TET1: variants seen among roughly 807,000 people sequenced by gnomAD.
The protein encoded by TET1 is methylcytosine dioxygenase TET1.
Under a neutral mutation model 148.7 loss-of-function variants are expected in TET1, and 13 were observed. That is an observed-to-expected ratio of 0.09 (90% CI 0.06 to 0.14). The LOEUF is 0.14. TET1 is among the 10% of genes least tolerant of loss of function. The pLI is 1.00. For missense variants in TET1, 2,182 were observed against 2,553.8 expected, an observed-to-expected ratio of 0.85 and a Z score of 3.14; for synonymous variants, 907 against 937.2, an observed-to-expected ratio of 0.97 and a Z score of 0.59.
Position 68,665,099 on chromosome 10 carries a change from G to T in TET1, c.4462-1946G>T, listed in dbSNP as rs77684974. ...TTTTATCTTTTCAATTAGCAGATTT[G>T]GTGTAAGCCATTTTAAAATGCTTTG... On this transcript the variant is annotated intron_variant, in intron 6 of 11. Transcript: ENST00000373644. Among the ~76,000 whole-genome samples, 1,316 of 152,076 alleles carry T rather than the reference G, an allele frequency of 8.7e-3. 16 individuals carry two copies. Among genetic ancestry groups the T allele is most frequent in the African/African-American group, 0.03 (1,245 of 41,468 alleles).
chr10:68,624,648 C>CTT (rs1249759174), intron 3 of TET1, among the ~76,000 whole-genome samples: 3 of 54,580 alleles, frequency 5.5e-5, no homozygotes, highest in African/African-American at 2.3e-4. Context: ...TTCTTTCTTT[C>CTT]TTTCTTTCTT....
rs754369955 is a variant in TET1, at chr10:68,572,731, T to C, written c.393T>C (p.Ser131=). The stretch of plus-strand genomic sequence containing the variant: ...CCAAATCCAAAAAGGTTCCACTTTC[T>C]AAGGGTTTAGAAAAGCAACATGATT... The part of the protein sequence containing the change: ...VVAKSKKVPL[S]KGLEKQHDCD... Residue 131 remains serine (S), a synonymous_variant, in exon 2 of 12, where the codon TCT becomes TCC. Transcript: ENST00000373644. 1 of 1,614,146 alleles carries C rather than the reference T, an allele frequency of 6.2e-7. No individual in the cohort carries two copies. The highest frequency in any genetic ancestry group is 1.1e-5 in the South Asian group (1 of 91,078).
rs1031711273 is a variant in TET1 at position 68,635,230 on chromosome 10, A to C, written c.1969-9468A>C. Among the ~76,000 whole-genome samples the C allele has an allele frequency of 3.3e-5, 5 of 152,008 alleles. No homozygotes were observed. In the East Asian group the frequency reaches 9.6e-4, roughly 29 times the overall value. On this transcript the variant is annotated intron_variant, in intron 3 of 11. Coordinates refer to ENST00000373644, the MANE Select transcript of TET1 (RefSeq NM_030625.3). ...AGGTTTTTCTCAAATGTTGGAGGACAAGTAGAAAAATGCCTATCTAATAGG... is the reference window on the plus strand; with the variant it reads ...AGGTTTTTCTCAAATGTTGGAGGACCAGTAGAAAAATGCCTATCTAATAGG...
chr10:68,573,281 T>C lies in TET1; in HGVS notation c.943T>C (p.Leu315=). 6.2e-7 allele frequency: 1 copy of C among 1,614,092 alleles called. No individual in the cohort carries two copies. The highest frequency in any genetic ancestry group is 8.5e-7 in the Non-Finnish European group (1 of 1,180,034). Residue 315 remains leucine, a synonymous_variant, in exon 2 of 12, where the codon TTG becomes CTG. Coordinates refer to ENST00000373644, the MANE Select transcript of TET1 (RefSeq NM_030625.3). ...ACCTGACTTGAACCTTAGAAACTGC[T>C]TGGCTCTTGGTGGGTCTACGTCTCC... ...VIPDLNLRNC[L]ALGGSTSPTS...
intron 8 of TET1, chr10:68,675,167 G>T: frequency 3.1e-6 from 1 of 323,326 alleles, no homozygotes; most frequent in Non-Finnish European, 5.8e-6. Context: ...AAAAGTGTCT[G>T]TTAGTTGATA....
Position 68,619,203 on chromosome 10 carries a change from G to A in TET1, c.1968+18169G>A, listed in dbSNP as rs78949459. ...CAAGTATCTCTATAGTTACATATGT[G>A]TAGTATAGACACATGTGTCCACCCC... On this transcript the variant is annotated intron_variant, in intron 3 of 11. Transcript: ENST00000373644. Among the ~76,000 whole-genome samples the A allele has an allele frequency of 2.0e-3, 309 of 152,144 alleles. 3 individuals carry two copies. Among genetic ancestry groups the A allele is most frequent in the African/African-American group, 7.1e-3 (293 of 41,490 alleles).
intron 9 of TET1, 29 bp from the exon 10 acceptor site, chr10:68,682,807 A>T: frequency 6.2e-7 from 1 of 1,604,418 alleles, no homozygotes; most frequent in South Asian, 1.1e-5. Flanking sequence ...TCTCTCTCTT[A>T]AGATTGTGCT....
chr10:68,663,440 C>T (rs2055150715), intron 6 of TET1, among the ~76,000 whole-genome samples: 1 of 152,126 alleles, frequency 6.6e-6, no homozygotes, highest in African/African-American at 2.4e-5. Flanking sequence ...TATAGTAAAG[C>T]TATTGCATCC....
At chr10:68,562,972 T>C (rs2053570430) in intron 1 of TET1, among the ~76,000 whole-genome samples, 1 of 152,156 alleles carries the variant, frequency 6.6e-6, no homozygotes, top group South Asian at 2.1e-4. Context: ...TTTTTTACTA[T>C]ACATTTCTTC....
At chr10:68,614,782 C>T (rs2054264689) in intron 3 of TET1, among the ~76,000 whole-genome samples, 1 of 151,940 alleles carries the variant, frequency 6.6e-6, no homozygotes, top group Non-Finnish European at 1.5e-5. Flanking sequence ...TTTATAGAGA[C>T]AGGGTTTTTT....
At chr10:68,595,609 C>CTTATTTTTTTTTTT in intron 2 of TET1, among the ~76,000 whole-genome samples, 1 of 89,422 alleles carries the variant, frequency 1.1e-5, no homozygotes, top group East Asian at 3.2e-4. Context: ...ACACACACAG[C>CTTATTTTTTTTTTT]TTCTTTTTTT....
chr10:68,618,826 G>C (rs2054330743), intron 3 of TET1, among the ~76,000 whole-genome samples: 1 of 152,164 alleles, frequency 6.6e-6, no homozygotes, highest in Non-Finnish European at 1.5e-5. Context: ...ATCTGGGCCT[G>C]GCCTGGTAGC....
intron 6 of TET1, among the ~76,000 whole-genome samples, chr10:68,658,272 C>T (rs561740453): frequency 2.0e-5 from 3 of 151,830 alleles, no homozygotes; most frequent in Admixed American, 6.6e-5. Context: ...AGTGCAGTGG[C>T]ACAATCTCGG....
chr10:68,661,225 G>GTTTTTTT (rs1564498225), intron 6 of TET1, among the ~76,000 whole-genome samples: 36 of 94,860 alleles, frequency 3.8e-4, no homozygotes, highest in African/African-American at 6.1e-4. Flanking sequence ...TTTTTTTGTA[G>GTTTTTTT]TTTTAGTAGA....
At position 68,682,709 on chromosome 10, in the gene TET1, A is replaced by G. The variant is rs2055453188; in HGVS notation, c.4915-127A>G. ...AGCTACACCTTCATGACAATAATAC[A>G]TTTAGTCTCAGAAATTACAAAGTGT... On this transcript the variant is annotated intron_variant, in intron 9 of 11. Transcript: ENST00000373644. 5 of 1,091,300 alleles carry G rather than the reference A, an allele frequency of 4.6e-6. No homozygotes were observed. The Admixed American group carries it at 1.1e-4, about 24-fold the overall frequency. The allele number at this position is 1,091,300 out of a possible 1,614,324, so 67.6% of individuals were successfully genotyped here.
chr10:68,666,514 A>G (rs986979287), intron 6 of TET1, among the ~76,000 whole-genome samples: 1 of 152,208 alleles, frequency 6.6e-6, no homozygotes, highest in African/African-American at 2.4e-5. Context: ...TCCATCGTCT[A>G]CATTTGTTCC....
intron 7 of TET1, among the ~76,000 whole-genome samples, chr10:68,671,272 T>TC (rs2133190405): frequency 6.6e-6 from 1 of 152,326 alleles, no homozygotes; most frequent in Non-Finnish European, 1.5e-5. Context: ...ATCACTTAAC[T>TC]CCTACTTATA....
chr10:68,667,379 A>G, intron 7 of TET1, 123 bp downstream of exon 7: 1 of 835,174 alleles, frequency 1.2e-6, no homozygotes, highest in Admixed American at 2.9e-5. Context: ...TTGTGGAATT[A>G]AAAAGAATGA....
chr10:68,664,086 A>G (rs979663029), intron 6 of TET1, among the ~76,000 whole-genome samples: 2 of 151,344 alleles, frequency 1.3e-5, no homozygotes, highest in African/African-American at 2.4e-5. Flanking sequence ...TGCAACCTCC[A>G]CCTCCCAAAG....
Sources: gnomAD v4.1 joint callset for allele counts (sites outside exome capture counted in the v4.1 genomes callset) on GRCh38, gnomAD v4.1.1 for gene constraint, MANE v1.5 for transcripts, NCBI Gene and HGNC (gene_info 2026-07-23, HGNC 2026-07-21) for gene names.